ADARB2: variants seen among roughly 807,000 people sequenced by gnomAD.
The protein encoded by ADARB2 is adenosine deaminase RNA specific B2 (inactive).
Under a neutral mutation model 62.2 loss-of-function variants are expected in ADARB2, and 25 were observed. The ratio of observed to expected loss-of-function variants is 0.40; its 90% CI spans 0.29 to 0.56. The LOEUF (loss-of-function observed/expected upper bound fraction) is 0.56, where lower values mean the gene tolerates loss of function less well. Ranked by LOEUF, ADARB2 falls within the 20% of genes least tolerant of loss-of-function variation. The pLI is 0.43. For synonymous variants in ADARB2, 572 were observed against 500.8 expected, an observed-to-expected ratio of 1.14 and a Z score of -1.90; for missense variants, 1,071 against 1,077.4, an observed-to-expected ratio of 0.99 and a Z score of 0.08.
chr10:1,412,462 A>ATTC (rs773855556), intron 1 of ADARB2, among the ~76,000 whole-genome samples: 1 of 151,998 alleles, frequency 6.6e-6, no homozygotes. Flanking sequence ...TATTATTATT[A>ATTC]TTATTTTTGC....
chr10:1,653,987 G>A (rs1834145682), intron 1 of ADARB2, among the ~76,000 whole-genome samples: 1 of 152,114 alleles, frequency 6.6e-6, no homozygotes, highest in South Asian at 2.1e-4. Flanking sequence ...GCAGGGAGAT[G>A]CCCCACAGCT....
chr10:1,487,360 C>T (rs779388969), intron 1 of ADARB2, among the ~76,000 whole-genome samples: 1 of 152,238 alleles, frequency 6.6e-6, no homozygotes, highest in East Asian at 1.9e-4. Context: ...CACACACACA[C>T]TCACACTTCT....
intron 1 of ADARB2, among the ~76,000 whole-genome samples, chr10:1,381,747 A>C (rs1167068974): frequency 6.6e-6 from 1 of 152,212 alleles, no homozygotes; most frequent in East Asian, 1.9e-4. Flanking sequence ...AGAAAGACAA[A>C]TACTAGTGCA....
At chr10:1,428,604 G>T (rs149375907) in intron 1 of ADARB2, among the ~76,000 whole-genome samples, 2 of 151,650 alleles carry the variant, frequency 1.3e-5, no homozygotes, top group African/African-American at 4.8e-5. Context: ...CCTTTTATAT[G>T]ACATTTTTGA....
chr10:1,714,991 A>C (rs987515662), intron 1 of ADARB2, among the ~76,000 whole-genome samples: 1 of 142,122 alleles, frequency 7.0e-6, no homozygotes, highest in African/African-American at 2.6e-5. Flanking sequence ...TCCTAATGCT[A>C]TCCCTCCCCC....
intron 1 of ADARB2, among the ~76,000 whole-genome samples, chr10:1,415,829 C>T (rs566566053): frequency 6.6e-6 from 1 of 152,272 alleles, no homozygotes; most frequent in African/African-American, 2.4e-5. Context: ...CAATTGCCAC[C>T]TCTTCCATGC....
chr10:1,289,498 C>T (rs1831444812), intron 3 of ADARB2, among the ~76,000 whole-genome samples: 1 of 152,230 alleles, frequency 6.6e-6, no homozygotes, highest in East Asian at 1.9e-4. Context: ...CAGGGGGAGG[C>T]CTCTGCCCAC....
At position 1,255,922 on chromosome 10, in the gene ADARB2, C is replaced by A. The variant is rs140445779; in HGVS notation, c.1193-13623G>T. Among the ~76,000 whole-genome samples the A allele has an allele frequency of 6.6e-6, 1 of 152,202 alleles. No individual in the cohort carries two copies. Among genetic ancestry groups the A allele is most frequent in the African/African-American group, 2.4e-5 (1 of 41,458 alleles). ...ACCACATGTCAGCCCTGGGAGCTAACGGTGTTTACATGACAGTGGCACATC... is the reference window on the plus strand; with the variant it reads ...ACCACATGTCAGCCCTGGGAGCTAAAGGTGTTTACATGACAGTGGCACATC... On this transcript the variant is annotated intron_variant, in intron 4 of 9. Transcript: ENST00000381312. The surrounding 1 kb of genome is among the most constrained non-coding windows in gnomAD (Gnocchi z 4.7).
At chr10:1,245,975 T>A (rs1350845363) in intron 4 of ADARB2, among the ~76,000 whole-genome samples, 1 of 151,726 alleles carries the variant, frequency 6.6e-6, no homozygotes, top group African/African-American at 2.4e-5. Context: ...GTGTTCCTAT[T>A]TCTCCACATC....
At chr10:1,382,533 C>G (rs1832492307) in intron 1 of ADARB2, among the ~76,000 whole-genome samples, 1 of 152,162 alleles carries the variant, frequency 6.6e-6, no homozygotes, top group Non-Finnish European at 1.5e-5. Flanking sequence ...ATCAGGGCCT[C>G]TCTTTGTGGT....
intron 8 of ADARB2, among the ~76,000 whole-genome samples, chr10:1,196,400 C>T (rs570872245): frequency 9.9e-5 from 15 of 151,872 alleles, no homozygotes; most frequent in African/African-American, 2.9e-4. Context: ...CTGGATTATG[C>T]TGATCAATTT....
intron 1 of ADARB2, among the ~76,000 whole-genome samples, chr10:1,450,979 G>C (rs1831028873): frequency 6.6e-6 from 1 of 152,232 alleles, no homozygotes; most frequent in African/African-American, 2.4e-5. Flanking sequence ...AGGCACAGCA[G>C]CCTTGAGAAA....
chr10:1,320,662 C>T (rs920798957), intron 3 of ADARB2, among the ~76,000 whole-genome samples: 3 of 152,194 alleles, frequency 2.0e-5, no homozygotes, highest in African/African-American at 7.2e-5. Flanking sequence ...TATAGCTGTC[C>T]TTCTGCCAGA....
chr10:1,347,741 C>A (rs1380441807), intron 3 of ADARB2, among the ~76,000 whole-genome samples: 1 of 152,176 alleles, frequency 6.6e-6, no homozygotes, highest in African/African-American at 2.4e-5. Flanking sequence ...CAGGTAACGC[C>A]CTCCTCTGGA....
At chr10:1,515,350 G>A (rs1217123845) in intron 1 of ADARB2, among the ~76,000 whole-genome samples, 1 of 152,236 alleles carries the variant, frequency 6.6e-6, no homozygotes, top group Non-Finnish European at 1.5e-5. Context: ...AGCCGACAGA[G>A]TCCAGGTGAG....
chr10:1,471,469 C>A (rs1194263747), intron 1 of ADARB2, among the ~76,000 whole-genome samples: 1 of 152,162 alleles, frequency 6.6e-6, no homozygotes, highest in East Asian at 1.9e-4. Flanking sequence ...CGGCTTACCG[C>A]AACCTCTGCC....
chr10:1,434,813 T>G (rs1334580168), intron 1 of ADARB2, among the ~76,000 whole-genome samples: 1 of 152,196 alleles, frequency 6.6e-6, no homozygotes, highest in Non-Finnish European at 1.5e-5. Context: ...CACTTACACG[T>G]AGACATAGAG....
chr10:1,732,353 C>T (rs1316272), intron 1 of ADARB2, among the ~76,000 whole-genome samples: 1 of 149,880 alleles, frequency 6.7e-6, no homozygotes, highest in African/African-American at 2.5e-5. Context: ...TGTTTCCTTA[C>T]GTAATGCGCT....
intron 3 of ADARB2, among the ~76,000 whole-genome samples, chr10:1,310,370 A>ACTTC (rs971127170): frequency 6.6e-6 from 1 of 151,430 alleles, no homozygotes; most frequent in African/African-American, 2.4e-5. Flanking sequence ...AATGAGAAAA[A>ACTTC]CTTCATTGAC....
Sources: gnomAD v4.1 joint callset for allele counts (sites outside exome capture counted in the v4.1 genomes callset) on GRCh38, gnomAD v4.1.1 for gene constraint, Gnocchi (gnomAD v3.1) non-coding constraint, MANE v1.5 for transcripts, NCBI Gene and HGNC (gene_info 2026-07-23, HGNC 2026-07-21) for gene names.